The following ZC3H4 variants were observed in gnomAD, a reference collection of about 807,000 sequenced individuals.
The protein encoded by ZC3H4 is zinc finger CCCH-type containing 4.
Under a neutral mutation model 108.3 loss-of-function variants are expected in ZC3H4, and 13 were observed. The ratio of observed to expected loss-of-function variants is 0.12; its 90% CI spans 0.08 to 0.19. The LOEUF (loss-of-function observed/expected upper bound fraction) is 0.19, where lower values mean the gene tolerates loss of function less well. ZC3H4 is among the 10% of genes least tolerant of loss of function. The pLI, the probability that ZC3H4 is intolerant of heterozygous loss-of-function variation, is 1.00. For synonymous variants in ZC3H4, 917 were observed against 749.6 expected, an observed-to-expected ratio of 1.22 and a Z score of -3.65; for missense variants, 1,734 against 1,838.8, an observed-to-expected ratio of 0.94 and a Z score of 1.04.
At chr19:47,079,142 GCCTCAGCCT>G (rs1230301899) in intron 11 of ZC3H4, among the ~76,000 whole-genome samples, 1 of 150,074 alleles carries the variant, frequency 6.7e-6, no homozygotes, top group Non-Finnish European at 1.5e-5. Context: ...CGATTCTCCT[GCCTCAGCCT>G]CTCGAGTAGC....
intron 11 of ZC3H4, among the ~76,000 whole-genome samples, chr19:47,080,417 G>C (rs1287548289): frequency 6.6e-6 from 1 of 152,120 alleles, no homozygotes; most frequent in Non-Finnish European, 1.5e-5. Flanking sequence ...ATGCATAATG[G>C]GGGCCCTGAG....
At chr19:47,112,868 G>C (rs1431875247) in intron 1 of ZC3H4, among the ~76,000 whole-genome samples, 1 of 152,126 alleles carries the variant, frequency 6.6e-6, no homozygotes, top group East Asian at 1.9e-4. Context: ...CCGGGGGGCG[G>C]GACACCCGGG....
intron 13 of ZC3H4, among the ~76,000 whole-genome samples, chr19:47,070,134 A>G (rs73943610): frequency 0.021 from 3,198 of 150,358 alleles, 104 homozygotes; most frequent in African/African-American, 0.067. Flanking sequence ...ACCGAAACGG[A>G]GGGGGGGGCG....
At chr19:47,105,917 C>A (rs2057962582) in intron 2 of ZC3H4, among the ~76,000 whole-genome samples, 1 of 152,196 alleles carries the variant, frequency 6.6e-6, no homozygotes, top group African/African-American at 2.4e-5. Context: ...CCAGATCCAC[C>A]ACAGTATAAT....
At chr19:47,097,142 C>T (rs2057835367) in intron 2 of ZC3H4, among the ~76,000 whole-genome samples, 1 of 152,196 alleles carries the variant, frequency 6.6e-6, no homozygotes, top group Non-Finnish European at 1.5e-5. Flanking sequence ...TTCAAATTCA[C>T]CCTACAAAGA....
intron 11 of ZC3H4, among the ~76,000 whole-genome samples, chr19:47,079,155 G>A (rs143623176): frequency 4.7e-5 from 7 of 149,880 alleles, no homozygotes; most frequent in East Asian, 2.0e-4. Flanking sequence ...TCAGCCTCTC[G>A]AGTAGCTGGG....
At position 47,085,314 on chromosome 19, in the gene ZC3H4, C is replaced by T. The variant is rs1005986661; in HGVS notation, c.967+4G>A. On this transcript the variant is annotated splice_donor_region_variant and intron_variant, in intron 7 of 14. Coordinates refer to ENST00000253048, the MANE Select transcript of ZC3H4 (RefSeq NM_015168.2). ...CAGCGTGTCCTCTCCAGGCCCCTGC[C>T]CACCTCGGCCTCGGCTGTCCTTGGA... is the stretch of plus-strand genomic sequence containing the variant. 9.4e-6 allele frequency: 15 copies of T among 1,596,466 alleles called. No individual in the cohort carries two copies. Among genetic ancestry groups the T allele is most frequent in the Non-Finnish European group, 1.3e-5 (15 of 1,171,534 alleles).
intron 9 of ZC3H4, among the ~76,000 whole-genome samples, chr19:47,084,072 G>A (rs894114665): frequency 7.2e-5 from 11 of 152,170 alleles, no homozygotes; most frequent in African/African-American, 2.2e-4. Flanking sequence ...CCATAATTAC[G>A]TTTCAGGCTA....
intron 13 of ZC3H4, among the ~76,000 whole-genome samples, chr19:47,070,941 C>T (rs2057314663): frequency 6.6e-6 from 1 of 152,030 alleles, no homozygotes; most frequent in Non-Finnish European, 1.5e-5. Context: ...GCTGCCTCTG[C>T]CCAGGGACAG....
rs751407562 is a variant in ZC3H4, at chr19:47,082,106, T to C, written c.1330+78A>G. On this transcript the variant is annotated intron_variant, in intron 10 of 14. Transcript: ENST00000253048. The stretch of plus-strand genomic sequence containing the variant: ...AGAGAGAAAGCACAGAGAAGGAAGA[T>C]TGGCTGTTACTACCACCATCAAGGA... 2.6e-4 allele frequency: 310 copies of C among 1,190,048 alleles called. 2 individuals carry two copies. Among genetic ancestry groups the C allele is most frequent in the South Asian group, 1.9e-3 (155 of 82,336 alleles). 73.7% of individuals were successfully genotyped at this position (1,190,048 alleles called of 1,614,324 possible). A position where few individuals can be genotyped will look rare whatever the true frequency, so the allele number is the denominator to read the frequency against.
chr19:47,085,487 G>C lies in ZC3H4; in HGVS notation c.871-73C>G, dbSNP rs540650613. 4.5e-6 allele frequency: 6 copies of C among 1,328,178 alleles called. No homozygotes were observed. In the African/African-American group the frequency reaches 5.9e-5, roughly 13 times the overall value. The allele number at this position is 1,328,178 out of a possible 1,614,324, so 82.3% of individuals were successfully genotyped here. Reference sequence around the variant, plus strand: ...TGAACACTGTCCCCACCTACACACTGCTCCTTTTTGAAGGATGGTGACCAT... The same window carrying C: ...TGAACACTGTCCCCACCTACACACTCCTCCTTTTTGAAGGATGGTGACCAT... On this transcript the variant is annotated intron_variant, in intron 6 of 14. Transcript: ENST00000253048.
rs768779454 is a variant in ZC3H4 at position 47,072,389 on chromosome 19, G to A, written c.1765C>T (p.Arg589Trp). 1.9e-6 allele frequency: 3 copies of A among 1,613,100 alleles called. No homozygotes were observed. Among genetic ancestry groups the A allele is most frequent in the Non-Finnish European group, 2.5e-6 (3 of 1,179,666 alleles). Reference protein sequence around the residue: ...KIPSLFEIVVRPTGQLAEKLG... With the variant: ...KIPSLFEIVVWPTGQLAEKLG... ...TTCTCAGCCAGCTGTCCCGTGGGCC[G>A]CACCACGATCTCAAACAAGGAGGGG... is the stretch of plus-strand genomic sequence containing the variant. The change falls in exon 12 of 15, where the codon CGG (arginine) becomes TGG (tryptophan). Residue 589 changes from arginine to tryptophan, a missense_variant. By Grantham distance (101) the Arg-to-Trp change is moderately radical (BLOSUM62 -3). Transcript: ENST00000253048. The surrounding 1 kb of genome is among the most constrained non-coding windows in gnomAD (Gnocchi z 5.6).
At chr19:47,087,058 C>T (rs1207496172) in intron 5 of ZC3H4, among the ~76,000 whole-genome samples, 1 of 151,356 alleles carries the variant, frequency 6.6e-6, no homozygotes, top group Non-Finnish European at 1.5e-5. Context: ...GGCAGATCAC[C>T]TTAGGTCAGG....
chr19:47,073,891 C>T (rs1484693322), intron 11 of ZC3H4, among the ~76,000 whole-genome samples: 1 of 152,226 alleles, frequency 6.6e-6, no homozygotes, highest in African/African-American at 2.4e-5. Flanking sequence ...TTTTTTATGG[C>T]TGAATCATAT....
rs1422615138 is a variant in ZC3H4 at position 47,090,142 on chromosome 19, C to T, written c.540G>A (p.Lys180=). 6.2e-6 allele frequency: 10 copies of T among 1,614,196 alleles called. No homozygotes were observed. Among genetic ancestry groups the T allele is most frequent in the Non-Finnish European group, 7.6e-6 (9 of 1,180,026 alleles). ...PPSHATPLPK[K]AYSKMDSKSY... The stretch of plus-strand genomic sequence containing the variant: ...TCTTGCTGTCCATCTTGGAGTATGC[C>T]TTCTTGGGCAGGGGCGTGGCATGCG... The change falls in exon 5 of 15, where the codon AAG becomes AAA. Residue 180 remains lysine (K), a synonymous_variant. Coordinates refer to ENST00000253048, the MANE Select transcript of ZC3H4 (RefSeq NM_015168.2).
At chr19:47,078,952 A>T (rs976862986) in intron 11 of ZC3H4, among the ~76,000 whole-genome samples, 1 of 146,996 alleles carries the variant, frequency 6.8e-6, no homozygotes, top group East Asian at 2.2e-4. Flanking sequence ...GCTTGAACCC[A>T]GAAGGCGAAG....
rs1199328501 is a variant in ZC3H4 at position 47,067,709 on chromosome 19, G to T, written c.2559C>A (p.His853Gln). ...GLGDPRLQKGHPTGSRLADPR... is the reference protein window; with the variant it reads ...GLGDPRLQKGQPTGSRLADPR... ...GGTCAGCCAGCCGGCTTCCTGTGGGGTGTCCCTTCTGGAGGCGGGGGTCCC... is the reference window on the plus strand; with the variant it reads ...GGTCAGCCAGCCGGCTTCCTGTGGGTTGTCCCTTCTGGAGGCGGGGGTCCC... The change falls in exon 15 of 15, where the codon CAC becomes CAA. Residue 853 changes from histidine to glutamine, a missense_variant. This residue lies in a region of ZC3H4 where 540 missense variants were observed against 484.1 expected (regional missense o/e 1.12). Transcript: ENST00000253048. The surrounding 1 kb of genome is among the most constrained non-coding windows in gnomAD (Gnocchi z 6.4). The T allele has an allele frequency of 2.5e-6, 4 of 1,605,870 alleles. No individual in the cohort carries two copies. Among genetic ancestry groups the T allele is most frequent in the Admixed American group, 1.7e-5 (1 of 59,360 alleles).
chr19:47,068,935 G>C (rs1482294390), intron 14 of ZC3H4, among the ~76,000 whole-genome samples, 157 bp downstream of exon 14: 2 of 152,152 alleles, frequency 1.3e-5, no homozygotes, highest in African/African-American at 4.8e-5. Context: ...TCAGGGACAT[G>C]CAGCAGCCCC....
At chr19:47,070,834 C>T (rs2122704940) in intron 13 of ZC3H4, among the ~76,000 whole-genome samples, 1 of 152,342 alleles carries the variant, frequency 6.6e-6, no homozygotes, top group Non-Finnish European at 1.5e-5. Context: ...CTCAATGCCG[C>T]TCCTGCCCAC....
Sources: allele counts gnomAD v4.1 joint callset (sites outside exome capture counted in the v4.1 genomes callset), GRCh38; gene constraint gnomAD v4.1.1; regional missense constraint gnomAD v4.1.1; non-coding constraint Gnocchi (gnomAD v3.1); transcripts MANE v1.5; gene names NCBI Gene and HGNC (gene_info 2026-07-23, HGNC 2026-07-21).